Variants in MINDY3 observed in about 807,000 individuals in gnomAD.
MINDY3 encodes the protein ubiquitin carboxyl-terminal hydrolase MINDY-3.
MINDY3 carries 38 observed loss-of-function variants against 69.2 expected under a neutral mutation model. The observed-to-expected ratio is 0.55, with a 90% confidence interval of 0.42 to 0.72. The LOEUF is 0.72. Among genes scored for constraint, MINDY3 ranks in the 30% least tolerant of loss-of-function variants. The pLI is 0.00. For missense variants in MINDY3, 522 were observed against 519.0 expected (o/e 1.01, Z -0.06); for synonymous variants, 192 against 180.1 (o/e 1.07, Z -0.53).
intron 13 of MINDY3, 66 bp from the exon 14 acceptor site, chr10:15,782,292 G>T: frequency 9.1e-7 from 1 of 1,095,818 alleles, no homozygotes; most frequent in Non-Finnish European, 1.3e-6. Context: ...CTAATCAACT[G>T]AAAGTAAAAT....
chr10:15,799,695 G>A (rs1838113979), intron 10 of MINDY3, among the ~76,000 whole-genome samples: 1 of 152,104 alleles, frequency 6.6e-6, no homozygotes, highest in African/African-American at 2.4e-5. Context: ...AACTGAAAAA[G>A]GTGAACAGGA....
At chr10:15,848,169 C>A (rs192119237) in intron 1 of MINDY3, among the ~76,000 whole-genome samples, 19 of 152,286 alleles carry the variant, frequency 1.2e-4, no homozygotes, top group African/African-American at 4.6e-4. Flanking sequence ...ATTTTGCACC[C>A]AGGAACTCCT....
chr10:15,832,079 G>A (rs951417325), intron 8 of MINDY3, among the ~76,000 whole-genome samples: 3 of 152,154 alleles, frequency 2.0e-5, no homozygotes, highest in African/African-American at 7.2e-5. Flanking sequence ...AGCCTAGGGA[G>A]GCAGAAGAGT....
chr10:15,800,234 A>T (rs949103542), intron 10 of MINDY3, among the ~76,000 whole-genome samples: 8 of 152,052 alleles, frequency 5.3e-5, no homozygotes, highest in African/African-American at 1.9e-4. Context: ...TATTTTTTCT[A>T]CTACCATGAA....
chr10:15,831,409 C>T lies in MINDY3; in HGVS notation c.730+2221G>A, dbSNP rs866639033. Among the ~76,000 whole-genome samples the T allele has an allele frequency of 3.9e-5, 6 of 152,212 alleles. No homozygotes were observed. In the East Asian group the frequency reaches 7.7e-4, roughly 20 times the overall value. On this transcript the variant is annotated intron_variant, in intron 8 of 14. Transcript: ENST00000277632. ...TTTTTAAGTTTGATGACTGAACATT[C>T]GCTTCAAACAAACATTCCAAAATGC... is the stretch of plus-strand genomic sequence containing the variant.
In MINDY3 at chr10:15,860,288, CAGTT is replaced by C. The variant is rs1447004858; in HGVS notation, c.8_11del (p.Glu3GlyfsTer5). 6.2e-7 allele frequency: 1 copy of C among 1,605,282 alleles called. No individual in the cohort carries two copies. The highest frequency in any genetic ancestry group is 8.5e-7 in the Non-Finnish European group (1 of 1,175,960). On this transcript the variant is annotated frameshift_variant, in exon 1 of 15. Coordinates refer to ENST00000277632, the MANE Select transcript of MINDY3 (RefSeq NM_024948.4). LOFTEE classifies it high-confidence loss of function. ...ACACCAGCTCCATCAGCTCTTTAGT[CAGTT>C]CGGACATGATGAGGAACCGGCGGGC...
At chr10:15,779,249 A>G in intron 14 of MINDY3, 108 bp from the exon 15 acceptor site, 1 of 845,424 alleles carries the variant, frequency 1.2e-6, no homozygotes, top group Non-Finnish European at 1.7e-6. Flanking sequence ...ACATAGTTTC[A>G]GATGAAACTT....
At chr10:15,787,459 A>C (rs116058324) in intron 12 of MINDY3, among the ~76,000 whole-genome samples, 2,818 of 152,234 alleles carry the variant, frequency 0.019, 90 homozygotes, top group African/African-American at 0.062. Flanking sequence ...CAACATGCAA[A>C]GTGTTGTGTT....
In MINDY3 at chr10:15,786,629, T is replaced by C. The variant is rs767911740; in HGVS notation, c.1048A>G (p.Lys350Glu). Residue 350 changes from lysine to glutamate, a missense_variant, in exon 13 of 15, where the codon AAA (lysine) becomes GAA (glutamate). Coordinates refer to ENST00000277632, the MANE Select transcript of MINDY3 (RefSeq NM_024948.4). Reference protein sequence around the residue: ...DPEYINLMKNKLDPEGLGIIL... With the variant: ...DPEYINLMKNELDPEGLGIIL... ...ATTCCTAATCCTTCTGGATCTAATT[T>C]ATTCTTCATGAGATTTATACTACGG... 6.3e-7 allele frequency: 1 copy of C among 1,587,238 alleles called. No homozygotes were observed. The highest frequency in any genetic ancestry group is 1.7e-5 in the Admixed American group (1 of 59,326).
intron 9 of MINDY3, among the ~76,000 whole-genome samples, chr10:15,818,222 G>A (rs1356249525): frequency 6.6e-6 from 1 of 151,914 alleles, no homozygotes; most frequent in Non-Finnish European, 1.5e-5. Flanking sequence ...CTACTCTGAT[G>A]GATTTCCATC....
At chr10:15,812,098 C>T (rs542104033) in intron 10 of MINDY3, among the ~76,000 whole-genome samples, 6 of 152,110 alleles carry the variant, frequency 3.9e-5, no homozygotes, top group South Asian at 2.1e-4. Flanking sequence ...CCCAGCACCA[C>T]GCCTGGGTAA....
At chr10:15,796,071 AAC>A (rs768598294) in intron 11 of MINDY3, 27 bp downstream of exon 11, 2 of 1,551,242 alleles carry the variant, frequency 1.3e-6, no homozygotes, top group Admixed American at 1.7e-5. Flanking sequence ...GAAGACATAA[AAC>A]ACAGAGATGA....
At chr10:15,807,412 G>C (rs1333637356) in intron 10 of MINDY3, among the ~76,000 whole-genome samples, 1 of 152,192 alleles carries the variant, frequency 6.6e-6, no homozygotes. Context: ...ACTTTGATAA[G>C]CGTATTCTGG....
chr10:15,789,177 A>C (rs1205615238), intron 12 of MINDY3, 70 bp downstream of exon 12: 3 of 1,289,952 alleles, frequency 2.3e-6, no homozygotes. Context: ...AAGGCAAAAA[A>C]TGTACAATAT....
intron 6 of MINDY3, among the ~76,000 whole-genome samples, chr10:15,836,576 C>A (rs186247839): frequency 7.1e-4 from 107 of 151,768 alleles, no homozygotes; most frequent in African/African-American, 2.5e-3. Context: ...GAGACTAACA[C>A]GTTACTAGAG....
At chr10:15,799,715 G>GTGAC (rs1157793772) in intron 10 of MINDY3, among the ~76,000 whole-genome samples, 1 of 152,082 alleles carries the variant, frequency 6.6e-6, no homozygotes. Context: ...ACTGAGAACT[G>GTGAC]TGACAGAAAA....
intron 10 of MINDY3, among the ~76,000 whole-genome samples, chr10:15,802,194 T>C (rs1156348788): frequency 6.6e-6 from 1 of 151,914 alleles, no homozygotes; most frequent in Non-Finnish European, 1.5e-5. Context: ...ATGCAGGGGG[T>C]TAGCACCCCA....
chr10:15,843,223 C>T lies in MINDY3; in HGVS notation c.224G>A (p.Arg75Gln), dbSNP rs1391332927. Residue 75 changes from arginine to glutamine, a missense_variant, in exon 3 of 15, where the codon CGG (arginine) becomes CAG (glutamine). Coordinates refer to ENST00000277632, the MANE Select transcript of MINDY3 (RefSeq NM_024948.4). Reference protein sequence around the residue: ...LLFSSEKSSWRDCSEEEQKEL... With the variant: ...LLFSSEKSSWQDCSEEEQKEL... ...GACAGCTATCATACCTGAACAATCC[C>T]GCCAAGAAGACTTCTCCGAAGAAAA... The T allele has an allele frequency of 5.6e-6, 9 of 1,612,802 alleles. No homozygotes were observed. The highest frequency in any genetic ancestry group is 4.0e-5 in the African/African-American group (3 of 75,000).
intron 11 of MINDY3, 73 bp from the exon 12 acceptor site, chr10:15,789,392 T>C: frequency 8.9e-7 from 1 of 1,126,888 alleles, no homozygotes; most frequent in Non-Finnish European, 1.3e-6. Flanking sequence ...GCTGATCAGG[T>C]TCCAGGAAAA....
Sources: gnomAD v4.1 joint callset for allele counts (sites outside exome capture counted in the v4.1 genomes callset) on GRCh38, gnomAD v4.1.1 for gene constraint, MANE v1.5 for transcripts, NCBI Gene and HGNC (gene_info 2026-07-23, HGNC 2026-07-21) for gene names.